Variants in MAP3K7CL observed in about 807,000 individuals in gnomAD.
The protein encoded by MAP3K7CL is MAP3K7 C-terminal-like protein.
In MAP3K7CL, 16 loss-of-function variants were observed where a neutral mutation model predicts 18.6. That is an observed-to-expected ratio of 0.86 (90% CI 0.58 to 1.31). The LOEUF (loss-of-function observed/expected upper bound fraction) is 1.31. Among genes scored for constraint, MAP3K7CL ranks in the 50% most tolerant of loss-of-function variants. The pLI, the probability that MAP3K7CL is intolerant of heterozygous loss-of-function variation, is 0.00. For missense variants in MAP3K7CL, 163 were observed against 174.4 expected (o/e 0.93, Z 0.37); for synonymous variants, 65 against 66.8 (o/e 0.97, Z 0.13).
rs548106892 is a variant in MAP3K7CL at position 29,091,621 on chromosome 21, G to A, written c.133+45G>A. 139 of 701,000 alleles carry A rather than the reference G, an allele frequency of 2.0e-4. 2 individuals are homozygous for A. Among genetic ancestry groups the A allele is most frequent in the South Asian group, 1.8e-3 (122 of 67,318 alleles). The allele number at this position is 701,000 out of a possible 1,614,324, so 43.4% of individuals were successfully genotyped here. On this transcript the variant is annotated intron_variant, in intron 2 of 6. Coordinates refer to the MAP3K7CL transcript ENST00000286791. ...CCCTCAAGTAACTGGGACCACAGGC[G>A]TGCACCACCACATCCAGCTAAGTTT...
chr21:29,169,885 C>A (rs2087781366), intron 4 of MAP3K7CL, among the ~76,000 whole-genome samples: 1 of 152,212 alleles, frequency 6.6e-6, no homozygotes, highest in South Asian at 2.1e-4. Flanking sequence ...CTATGGTGGA[C>A]TCCAAAGTTA....
chr21:29,079,831 T>C (rs2085807225), intron 1 of MAP3K7CL, among the ~76,000 whole-genome samples: 1 of 152,174 alleles, frequency 6.6e-6, no homozygotes, highest in Non-Finnish European at 1.5e-5. Flanking sequence ...TAGGGCAAAG[T>C]CACAAGAAAT....
In MAP3K7CL at chr21:29,109,791, A is replaced by G. The variant is rs551896372; in HGVS notation, c.370+17210A>G. 66 of 985,468 alleles carry G rather than the reference A, an allele frequency of 6.7e-5. No homozygotes were observed. In the African/African-American group the frequency reaches 1.1e-3, roughly 17 times the overall value. 61.0% of individuals were successfully genotyped at this position (985,468 alleles called of 1,614,324 possible). A position where few individuals can be genotyped will look rare whatever the true frequency, so the allele number is the denominator to read the frequency against. The stretch of plus-strand genomic sequence containing the variant: ...GTCTAATAAAGTGTCTTTTACTTAT[A>G]TCTTACGTTCTGCTGCTGCTTCTTA... On this transcript the variant is annotated intron_variant, in intron 4 of 6. Transcript: ENST00000286791.
chr21:29,120,994 A>G (rs1319821406), intron 4 of MAP3K7CL, among the ~76,000 whole-genome samples: 2 of 147,036 alleles, frequency 1.4e-5, no homozygotes, highest in Non-Finnish European at 3.0e-5. Flanking sequence ...TGAGCCTCGG[A>G]GGTTGAGGCA....
rs188148195 is a variant in MAP3K7CL at position 29,088,084 on chromosome 21, T to A, written c.57+2167T>A. Reference sequence around the variant, plus strand: ...ACCACTGTGCATTAGATAGGGACCATATTTCTCAAAAGCTCCAAAGTGTAT... The same window carrying A: ...ACCACTGTGCATTAGATAGGGACCAAATTTCTCAAAAGCTCCAAAGTGTAT... On this transcript the variant is annotated intron_variant, in intron 1 of 6. Transcript: ENST00000286791. 7.9e-5 allele frequency among the ~76,000 whole-genome samples: 12 copies of A among 152,268 alleles called. 1 individual carries two copies. The East Asian group carries it at 2.3e-3, about 29-fold the overall frequency.
At chr21:29,163,981 A>G (rs2087621216) in intron 4 of MAP3K7CL, among the ~76,000 whole-genome samples, 1 of 151,992 alleles carries the variant, frequency 6.6e-6, no homozygotes. Context: ...TACAGAGTCA[A>G]TATCAGCAAT....
intron 1 of MAP3K7CL, among the ~76,000 whole-genome samples, chr21:29,087,232 C>T (rs888141802): frequency 1.3e-5 from 2 of 152,252 alleles, no homozygotes; most frequent in Middle Eastern, 3.4e-3. Context: ...AGAGGGTTTC[C>T]TTGACAACTC....
At chr21:29,134,719 C>T (rs2086846567) in intron 2 of MAP3K7CL, among the ~76,000 whole-genome samples, 1 of 152,164 alleles carries the variant, frequency 6.6e-6, no homozygotes, top group Non-Finnish European at 1.5e-5. Context: ...ACTTCTCTGT[C>T]ATAATAAGCA....
chr21:29,092,830 G>A (rs938166688), intron 4 of MAP3K7CL, among the ~76,000 whole-genome samples: 2 of 152,170 alleles, frequency 1.3e-5, no homozygotes, highest in Non-Finnish European at 2.9e-5. Flanking sequence ...GAGTTTGTTC[G>A]ACTGTGCTGT....
At chr21:29,143,588 A>G (rs1040160262) in intron 2 of MAP3K7CL, among the ~76,000 whole-genome samples, 2 of 151,590 alleles carry the variant, frequency 1.3e-5, no homozygotes, top group African/African-American at 4.9e-5. Context: ...ACGCCTGGCT[A>G]ATTTTTGTAT....
intron 4 of MAP3K7CL, among the ~76,000 whole-genome samples, chr21:29,101,203 A>G (rs544641681): frequency 1.4e-3 from 210 of 152,290 alleles, no homozygotes; most frequent in African/African-American, 4.6e-3. Context: ...ATGATAGGTC[A>G]TGCAAAATGC....
chr21:29,111,978 A>G (rs2146562238), intron 4 of MAP3K7CL, among the ~76,000 whole-genome samples: 1 of 152,182 alleles, frequency 6.6e-6, no homozygotes, highest in Admixed American at 6.5e-5. Flanking sequence ...CCACGTCCTT[A>G]AAGCTCTGTC....
At chr21:29,135,627 G>T (rs909378951) in intron 2 of MAP3K7CL, among the ~76,000 whole-genome samples, 2 of 152,156 alleles carry the variant, frequency 1.3e-5, no homozygotes, top group Non-Finnish European at 2.9e-5. Flanking sequence ...TGAAATACAG[G>T]ATGTACAACT....
chr21:29,086,731 G>C (rs922519324), intron 1 of MAP3K7CL, among the ~76,000 whole-genome samples: 2 of 152,186 alleles, frequency 1.3e-5, no homozygotes, highest in African/African-American at 4.8e-5. Context: ...CCTCTGCTAA[G>C]GCCCTGTTCT....
chr21:29,125,998 A>C (rs531720544), upstream of MAP3K7CL, among the ~76,000 whole-genome samples: 2 of 152,386 alleles, frequency 1.3e-5, no homozygotes, highest in East Asian at 3.9e-4. Context: ...GTTAATACAT[A>C]ACTTTGGGAC....
upstream of MAP3K7CL, among the ~76,000 whole-genome samples, chr21:29,127,485 T>A (rs2086699369): frequency 6.6e-6 from 1 of 152,204 alleles, no homozygotes; most frequent in Non-Finnish European, 1.5e-5. Flanking sequence ...GTTACTCTCT[T>A]GAAAGTGTTT....
chr21:29,125,503 T>G (rs766829123), intron 4 of MAP3K7CL, among the ~76,000 whole-genome samples: 6 of 152,206 alleles, frequency 3.9e-5, no homozygotes, highest in Non-Finnish European at 2.9e-5. Context: ...AAGCCTGAAG[T>G]GAACTTTGAT....
At chr21:29,170,845 G>T (rs958049606) in intron 4 of MAP3K7CL, among the ~76,000 whole-genome samples, 1 of 151,522 alleles carries the variant, frequency 6.6e-6, no homozygotes, top group African/African-American at 2.4e-5. Flanking sequence ...CACCATGTTG[G>T]CCAGGCTGGT....
rs201295537 is a variant in MAP3K7CL at position 29,146,527 on chromosome 21, TG to T, written c.71-2661del. ...ACAAGGCACAGTAATTGGCAGAATT[TG>T]TCACTTCTGGTCTAAGTAGAGCATT... is the stretch of plus-strand genomic sequence containing the variant. On this transcript the variant is annotated intron_variant, in intron 2 of 4. Coordinates refer to ENST00000399928, the MANE Select transcript of MAP3K7CL (RefSeq NM_001286620.2). Among the ~76,000 whole-genome samples, 1,069 of 152,362 alleles carry T rather than the reference TG, an allele frequency of 7.0e-3. 10 individuals carry two copies. Among genetic ancestry groups the T allele is most frequent in the South Asian group, 0.028 (135 of 4,830 alleles).
Sources: gnomAD v4.1 joint callset for allele counts (sites outside exome capture counted in the v4.1 genomes callset) on GRCh38, gnomAD v4.1.1 for gene constraint, MANE v1.5 for transcripts, NCBI Gene and HGNC (gene_info 2026-07-23, HGNC 2026-07-21) for gene names.